The following MYT1 variants were observed in gnomAD, a reference collection of about 807,000 sequenced individuals.
MYT1 encodes myelin transcription factor 1.
A neutral mutation model predicts 123.0 loss-of-function variants in MYT1; 23 were observed. That is an observed-to-expected ratio of 0.19 (90% CI 0.13 to 0.26). MYT1 has a LOEUF of 0.26. Ranked by LOEUF, MYT1 falls within the 10% of genes least tolerant of loss-of-function variation. The pLI, the probability that MYT1 is intolerant of heterozygous loss-of-function variation, is 1.00. For synonymous variants in MYT1, 518 were observed against 575.3 expected (o/e 0.90, Z 1.43); for missense variants, 1,125 against 1,472.5 (o/e 0.76, Z 3.86).
At chr20:64,177,996 C>T (rs907325358) in intron 1 of MYT1, among the ~76,000 whole-genome samples, 2 of 152,122 alleles carry the variant, frequency 1.3e-5, no homozygotes, top group East Asian at 3.9e-4. Context: ...TGGCTGAGCA[C>T]ATCATGGACT....
At chr20:64,215,396 A>G (rs996572731) in intron 10 of MYT1, among the ~76,000 whole-genome samples, 31 of 152,288 alleles carry the variant, frequency 2.0e-4, no homozygotes, top group African/African-American at 7.0e-4. Context: ...GATTGTGGCT[A>G]GGGTGGAGGA....
rs140141592 is a variant in MYT1, at chr20:64,186,183, G to A, written c.-98-3880G>A. ...AGAGCCCCATAAAAGTGAGTGTGGG[G>A]CCACCATGGGGACAGATGTGGGGGT... On this transcript the variant is annotated intron_variant, in intron 1 of 22. Transcript: ENST00000328439. This position sits in a 1 kb window ranked among gnomAD's most constrained non-coding sequence, Gnocchi z 4.3. Among the ~76,000 whole-genome samples, 223 of 152,132 alleles carry A rather than the reference G, an allele frequency of 1.5e-3. No individual in the cohort carries two copies. The highest frequency in any genetic ancestry group is 5.1e-3 in the African/African-American group (210 of 41,490).
chr20:64,225,076 A>C (rs1017565488), intron 16 of MYT1, among the ~76,000 whole-genome samples: 1 of 152,222 alleles, frequency 6.6e-6, no homozygotes, highest in African/African-American at 2.4e-5. Context: ...TTGGGCAGGC[A>C]GCCACGGCCT....
chr20:64,228,997 TG>T (rs1984249305), intron 18 of MYT1, among the ~76,000 whole-genome samples: 1 of 152,228 alleles, frequency 6.6e-6, no homozygotes, highest in Admixed American at 6.5e-5. Flanking sequence ...GGCCTGAGAT[TG>T]GGTTGCTCCT....
At chr20:64,181,467 T>G (rs1982650047) in intron 1 of MYT1, among the ~76,000 whole-genome samples, 1 of 152,202 alleles carries the variant, frequency 6.6e-6, no homozygotes, top group Non-Finnish European at 1.5e-5. Context: ...TGTTGAATTT[T>G]TCATTTTGGT....
In MYT1 at chr20:64,219,790, C is replaced by A. The variant is rs767555966; in HGVS notation, c.2049C>A (p.Phe683Leu). The A allele has an allele frequency of 2.5e-6, 4 of 1,614,008 alleles. No homozygotes were observed. Among genetic ancestry groups the A allele is most frequent in the Non-Finnish European group, 2.5e-6 (3 of 1,180,040 alleles). Residue 683 changes from phenylalanine to leucine, a missense_variant, in exon 13 of 23, where the codon TTC (phenylalanine) becomes TTA (leucine). Phe to Leu is a conservative substitution (Grantham distance 22). Coordinates refer to ENST00000328439, the MANE Select transcript of MYT1 (RefSeq NM_004535.3). ...MHKHRKRENA[F>L]PSSSSCSSSP... is the part of the protein sequence containing the mutation. ...AACACCGCAAACGAGAAAATGCTTTCCCCAGCAGCAGCAGCTGCAGCAGCA... is the reference window on the plus strand; with the variant it reads ...AACACCGCAAACGAGAAAATGCTTTACCCAGCAGCAGCAGCTGCAGCAGCA...
intron 2 of MYT1, among the ~76,000 whole-genome samples, chr20:64,194,642 A>C (rs2145705829): frequency 6.6e-6 from 1 of 152,326 alleles, no homozygotes; most frequent in Non-Finnish European, 1.5e-5. Flanking sequence ...GGAAGCATGA[A>C]AAAGGAATGA....
Position 64,218,933 on chromosome 20 carries a change from C to T in MYT1, c.1869C>T (p.Ala623=), listed in dbSNP as rs141771297. ...CAGGCTTTGACTACTCGCAGGACGC[C>T]GAGGCTGCACACATGGCTGCCACTG... is the stretch of plus-strand genomic sequence containing the variant. ...AFQCFDYSQD[A]EAAHMAATAI... is the part of the protein sequence containing the mutation. Residue 623 remains alanine, a synonymous_variant, in exon 12 of 23, where the codon GCC becomes GCT. Coordinates refer to ENST00000328439, the MANE Select transcript of MYT1 (RefSeq NM_004535.3). The surrounding 1 kb of genome is among the most constrained non-coding windows in gnomAD (Gnocchi z 4.0). The T allele has an allele frequency of 2.2e-4, 350 of 1,613,660 alleles. 1 individual carries two copies. Among genetic ancestry groups the T allele is most frequent in the Non-Finnish European group, 2.6e-4 (310 of 1,180,028 alleles).
chr20:64,227,988 TGGCTC>T lies in MYT1; in HGVS notation c.2675+18_2675+22del, dbSNP rs766577120. The T allele has an allele frequency of 6.2e-7, 1 of 1,611,952 alleles. No individual in the cohort carries two copies. The highest frequency in any genetic ancestry group is 8.5e-7 in the Non-Finnish European group (1 of 1,178,248). On this transcript the variant is annotated intron_variant, in intron 18 of 22. Coordinates refer to ENST00000328439, the MANE Select transcript of MYT1 (RefSeq NM_004535.3). ...GCTGATGAAGTACGTTGGGCCATGC[TGGCTC>T]TTTCATTGCATTGCGGAATTGAGAT...
chr20:64,194,930 C>T (rs971683761), intron 2 of MYT1, among the ~76,000 whole-genome samples: 2 of 152,108 alleles, frequency 1.3e-5, no homozygotes, highest in Non-Finnish European at 2.9e-5. Context: ...GAGTCTTGCT[C>T]TGTCACCCAG....
Position 64,217,205 on chromosome 20 carries a change from C to G in MYT1, c.1770C>G (p.Phe590Leu). 4 of 1,614,232 alleles carry G rather than the reference C, an allele frequency of 2.5e-6. No individual in the cohort carries two copies. Among genetic ancestry groups the G allele is most frequent in the Non-Finnish European group, 3.4e-6 (4 of 1,180,030 alleles). Residue 590 changes from phenylalanine (F) to leucine (L), a missense_variant, in exon 11 of 23, where the codon TTC becomes TTG. This residue lies in a region of MYT1 where 429 missense variants were observed against 604.1 expected (regional missense o/e 0.71). Transcript: ENST00000328439. ...AGGTCACCTTTGACTACGCAAGTTT[C>G]GATGCTCAGGTTTTTGGCAAACGCA... ...FSKVTFDYAS[F>L]DAQVFGKRML...
chr20:64,234,432 G>A (rs976464692), intron 19 of MYT1, among the ~76,000 whole-genome samples: 1 of 152,232 alleles, frequency 6.6e-6, no homozygotes, highest in African/African-American at 2.4e-5. Flanking sequence ...CTATGGCTGT[G>A]CCAGATGAGG....
At position 64,205,618 on chromosome 20, in the gene MYT1, C is replaced by G. The variant is rs758340507; in HGVS notation, c.215C>G (p.Ser72Cys). ...GGCGCTGAGGCTGAGCACCTGGTGT[C>G]CAAGAGGAAGTCACACCCCCTGAAG... ...LEGAEAEHLV[S>C]KRKSHPLKLA... The change falls in exon 6 of 23, where the codon TCC becomes TGC. Residue 72 changes from serine (S) to cysteine (C), a missense_variant. Ser to Cys is a moderately radical substitution (Grantham distance 112). Transcript: ENST00000328439. 1 of 1,614,034 alleles carries G rather than the reference C, an allele frequency of 6.2e-7. No individual in the cohort carries two copies.
chr20:64,204,425 G>T (rs1009269942), intron 4 of MYT1, among the ~76,000 whole-genome samples: 1 of 152,188 alleles, frequency 6.6e-6, no homozygotes, highest in Non-Finnish European at 1.5e-5. Context: ...TTGGTTCCTG[G>T]TTCACGGGCC....
chr20:64,219,044 A>G lies in MYT1; in HGVS notation c.1971+9A>G. The G allele has an allele frequency of 6.2e-7, 1 of 1,607,848 alleles. No homozygotes were observed. Reference sequence around the variant, plus strand: ...AGGACCTCCCCAGCAAGGTTAGTACATCTGCCACAGAGCCTTTCTTGGGAG... The same window carrying G: ...AGGACCTCCCCAGCAAGGTTAGTACGTCTGCCACAGAGCCTTTCTTGGGAG... On this transcript the variant is annotated intron_variant, in intron 12 of 22. Coordinates refer to ENST00000328439, the MANE Select transcript of MYT1 (RefSeq NM_004535.3).
rs1438151453 is a variant in MYT1, at chr20:64,199,895, C to T, written c.59C>T (p.Pro20Leu). Residue 20 changes from proline to leucine, a missense_variant, in exon 4 of 23, where the codon CCC (proline) becomes CTC (leucine). Pro to Leu is a moderately conservative substitution (Grantham distance 98). Coordinates refer to ENST00000328439, the MANE Select transcript of MYT1 (RefSeq NM_004535.3). ...CCTGTTTCTGTCTTTTTCCCAGGAC[C>T]CCCAGAGACCACAGCTGCAGACCTC... The part of the protein sequence containing the change: ...ARTRSKALRG[P>L]PETTAADLSC... 2 of 1,614,120 alleles carry T rather than the reference C, an allele frequency of 1.2e-6. No individual in the cohort carries two copies. The highest frequency in any genetic ancestry group is 1.7e-5 in the Admixed American group (1 of 60,030).
rs763885085 is a variant in MYT1, at chr20:64,232,277, A to G, written c.2789A>G (p.Asn930Ser). 1.7e-5 allele frequency: 28 copies of G among 1,612,826 alleles called. No homozygotes were observed. Among genetic ancestry groups the G allele is most frequent in the African/African-American group, 4.0e-5 (3 of 74,874 alleles). ...AARRQKEGSL[N>S]GSSFSWKSLK... is the part of the protein sequence containing the mutation. ...CGCAGGCAGAAGGAAGGGTCCCTCA[A>G]TGGCTCGTCATTCTCCTGGAAGTCC... is the stretch of plus-strand genomic sequence containing the variant. Residue 930 changes from asparagine (N) to serine (S), a missense_variant, in exon 19 of 23, where the codon AAT becomes AGT. Transcript: ENST00000328439. This position sits in a 1 kb window ranked among gnomAD's most constrained non-coding sequence, Gnocchi z 6.9.
rs1171038260 is a variant in MYT1, at chr20:64,203,614, C to T, written c.87-1421C>T. 2.0e-5 allele frequency among the ~76,000 whole-genome samples: 3 copies of T among 152,252 alleles called. No individual in the cohort carries two copies. Among genetic ancestry groups the T allele is most frequent in the African/African-American group, 7.2e-5 (3 of 41,542 alleles). On this transcript the variant is annotated intron_variant, in intron 4 of 22. Transcript: ENST00000328439. This position sits in a 1 kb window ranked among gnomAD's most constrained non-coding sequence, Gnocchi z 5.1. ...TCTTGTTAACACACTGAAAACCCCA[C>T]CCTGGAAGGCTGCAGAGAACATCCC...
chr20:64,174,130 C>T (rs1982387005), intron 1 of MYT1, among the ~76,000 whole-genome samples: 1 of 3,798 alleles, frequency 2.6e-4, no homozygotes, highest in Non-Finnish European at 4.4e-4. Flanking sequence ...CCTGGCTTCT[C>T]CTCCTGCAGC....
Sources: gnomAD v4.1 joint callset for allele counts (sites outside exome capture counted in the v4.1 genomes callset) on GRCh38, gnomAD v4.1.1 for gene constraint, gnomAD v4.1.1 regional missense constraint, Gnocchi (gnomAD v3.1) non-coding constraint, MANE v1.5 for transcripts, NCBI Gene and HGNC (gene_info 2026-07-23, HGNC 2026-07-21) for gene names.